SORCS3: variants seen among roughly 807,000 people sequenced by gnomAD.
SORCS3 encodes the protein VPS10 domain-containing receptor SorCS3.
Under a neutral mutation model 146.3 loss-of-function variants are expected in SORCS3, and 57 were observed. That is an observed-to-expected ratio of 0.39 (90% CI 0.31 to 0.49). The LOEUF (loss-of-function observed/expected upper bound fraction) is 0.49, where lower values mean the gene tolerates loss of function less well. Among genes scored for constraint, SORCS3 ranks in the 20% least tolerant of loss-of-function variants. SORCS3 has a pLI of 0.92. For synonymous variants in SORCS3, 653 were observed against 618.5 expected (o/e 1.06, Z -0.83); for missense variants, 1,341 against 1,575.5 (o/e 0.85, Z 2.52).
At chr10:104,986,816 G>A (rs1400051136) in intron 4 of SORCS3, among the ~76,000 whole-genome samples, 1 of 152,138 alleles carries the variant, frequency 6.6e-6, no homozygotes, top group Non-Finnish European at 1.5e-5. Flanking sequence ...AATTTGTGGT[G>A]CACCTATACA....
chr10:104,708,489 C>T (rs1303045956), intron 1 of SORCS3, among the ~76,000 whole-genome samples: 1 of 152,114 alleles, frequency 6.6e-6, no homozygotes, highest in Non-Finnish European at 1.5e-5. Context: ...AGATGTTAGG[C>T]CAAAGAAGTT....
intron 14 of SORCS3, among the ~76,000 whole-genome samples, chr10:105,184,105 A>G (rs1378250564): frequency 6.6e-6 from 1 of 152,212 alleles, no homozygotes; most frequent in African/African-American, 2.4e-5. Context: ...GGCCACTTGC[A>G]GGGAAGAGTT....
At chr10:104,751,643 T>A (rs2016984640) in intron 1 of SORCS3, among the ~76,000 whole-genome samples, 1 of 152,034 alleles carries the variant, frequency 6.6e-6, no homozygotes, top group Non-Finnish European at 1.5e-5. Flanking sequence ...GGGTCTGTAT[T>A]CACTCAGCTG....
chr10:105,133,711 G>A (rs902979103), intron 7 of SORCS3, among the ~76,000 whole-genome samples: 1 of 152,166 alleles, frequency 6.6e-6, no homozygotes, highest in African/African-American at 2.4e-5. Flanking sequence ...GGAGGCTGAG[G>A]CAGAAGGCTG....
At position 105,264,507 on chromosome 10, in the gene SORCS3, A is replaced by G. The variant is rs865793626; in HGVS notation, c.*1133A>G. 5 of 152,422 alleles carry G rather than the reference A, an allele frequency of 3.3e-5. No individual in the cohort carries two copies. Among genetic ancestry groups the G allele is most frequent in the Admixed American group, 3.3e-4 (5 of 15,288 alleles). 9.4% of individuals were successfully genotyped at this position (152,422 alleles called of 1,614,324 possible). A position where few individuals can be genotyped will look rare whatever the true frequency, so the allele number is the denominator to read the frequency against. On this transcript the variant is annotated 3_prime_UTR_variant, in exon 27 of 27. Coordinates refer to ENST00000369701, the MANE Select transcript of SORCS3 (RefSeq NM_014978.3). ...TAAAGCCCAGTGAATGTCTCTTGGC[A>G]TGGGAGGAGTTAAAGAGGTTGGAAG...
At chr10:104,807,328 C>T (rs1175023903) in intron 1 of SORCS3, among the ~76,000 whole-genome samples, 1 of 152,010 alleles carries the variant, frequency 6.6e-6, no homozygotes, top group Non-Finnish European at 1.5e-5. Context: ...GATTCCTTGG[C>T]CCATGGAGAG....
intron 7 of SORCS3, among the ~76,000 whole-genome samples, chr10:105,134,476 G>A (rs2056044485): frequency 6.6e-6 from 1 of 151,414 alleles, no homozygotes; most frequent in African/African-American, 2.4e-5. Flanking sequence ...GATATCTAGT[G>A]AAGGCCCGGT....
At chr10:105,227,614 G>A (rs1302150088) in intron 20 of SORCS3, among the ~76,000 whole-genome samples, 1 of 152,016 alleles carries the variant, frequency 6.6e-6, no homozygotes, top group African/African-American at 2.4e-5. Flanking sequence ...CCGTCTAGAT[G>A]ATCTGTCTAA....
intron 25 of SORCS3, among the ~76,000 whole-genome samples, chr10:105,259,044 T>C (rs2056946078): frequency 6.6e-6 from 1 of 152,150 alleles, no homozygotes; most frequent in Non-Finnish European, 1.5e-5. Context: ...CAACATGGAG[T>C]GTACCTGGCT....
chr10:104,706,695 C>G (rs1761211571), intron 1 of SORCS3, among the ~76,000 whole-genome samples: 2 of 152,242 alleles, frequency 1.3e-5, no homozygotes, highest in South Asian at 4.1e-4. Flanking sequence ...ATAAATTTAC[C>G]TTACCTATAG....
intron 5 of SORCS3, among the ~76,000 whole-genome samples, chr10:105,081,540 G>C (rs143327040): frequency 6.6e-6 from 1 of 152,324 alleles, no homozygotes; most frequent in East Asian, 1.9e-4. Context: ...AGCGGTTATG[G>C]TTCCCAAGAA....
At chr10:105,066,231 T>A (rs2055522095) in intron 5 of SORCS3, among the ~76,000 whole-genome samples, 1 of 152,214 alleles carries the variant, frequency 6.6e-6, no homozygotes, top group South Asian at 2.1e-4. Context: ...CGCCTTCCCC[T>A]GTCCCATCCC....
At position 104,746,428 on chromosome 10, in the gene SORCS3, A is replaced by G. The variant is rs922437427; in HGVS notation, c.628-96364A>G. ...TGGGATTACAGGCGTGAGCCACCGC[A>G]CCAGCGATAAATGTTTTCAATGTGA... On this transcript the variant is annotated intron_variant, in intron 1 of 26. Coordinates refer to ENST00000369701, the MANE Select transcript of SORCS3 (RefSeq NM_014978.3). Among the ~76,000 whole-genome samples, 6 of 152,228 alleles carry G rather than the reference A, an allele frequency of 3.9e-5. No homozygotes were observed. In the Middle Eastern group the frequency reaches 0.01, roughly 259 times the overall value.
intron 1 of SORCS3, among the ~76,000 whole-genome samples, chr10:104,757,351 T>C (rs2017065976): frequency 6.6e-6 from 1 of 152,196 alleles, no homozygotes; most frequent in Non-Finnish European, 1.5e-5. Context: ...TGCCATTAGC[T>C]CTTGTCCTCA....
chr10:104,798,853 G>GA (rs2017590177), intron 1 of SORCS3, among the ~76,000 whole-genome samples: 1 of 150,974 alleles, frequency 6.6e-6, no homozygotes, highest in Non-Finnish European at 1.5e-5. Flanking sequence ...AAATTTACAA[G>GA]AAAAAAACAA....
chr10:105,203,592 T>A (rs1331694339), intron 16 of SORCS3, among the ~76,000 whole-genome samples: 1 of 152,124 alleles, frequency 6.6e-6, no homozygotes, highest in African/African-American at 2.4e-5. Flanking sequence ...GTAAAATATT[T>A]TCTCATCAGT....
intron 19 of SORCS3, among the ~76,000 whole-genome samples, chr10:105,222,250 G>A (rs1289359502): frequency 6.6e-6 from 1 of 151,754 alleles, no homozygotes; most frequent in Non-Finnish European, 1.5e-5. Flanking sequence ...GTGAAGACAG[G>A]GTTTCACCAT....
intron 20 of SORCS3, among the ~76,000 whole-genome samples, chr10:105,231,818 A>G (rs1199059513): frequency 1.3e-5 from 2 of 152,086 alleles, no homozygotes; most frequent in Non-Finnish European, 2.9e-5. Flanking sequence ...ACATTAATTG[A>G]TTTTTAAATG....
intron 14 of SORCS3, among the ~76,000 whole-genome samples, chr10:105,180,944 G>A (rs1348461732): frequency 2.6e-5 from 4 of 152,170 alleles, no homozygotes; most frequent in African/African-American, 9.7e-5. Context: ...GATAATAAAT[G>A]TTAATACAAA....
Sources: gnomAD v4.1 joint callset for allele counts (sites outside exome capture counted in the v4.1 genomes callset) on GRCh38, gnomAD v4.1.1 for gene constraint, MANE v1.5 for transcripts, NCBI Gene and HGNC (gene_info 2026-07-23, HGNC 2026-07-21) for gene names.